Variants in PWWP3A observed in about 807,000 individuals in gnomAD.
PWWP3A encodes the protein PWWP domain containing 3A, DNA repair factor, also known as PWWP domain-containing DNA repair factor 3A.
PWWP3A carries 53 observed loss-of-function variants against 79.0 expected under a neutral mutation model. That is an observed-to-expected ratio of 0.67 (90% CI 0.54 to 0.84). PWWP3A has a LOEUF of 0.84. Ranked by LOEUF, PWWP3A falls within the 40% of genes least tolerant of loss-of-function variation. PWWP3A has a pLI of 0.00. For missense variants in PWWP3A, 973 were observed against 948.0 expected (o/e 1.03, Z -0.35); for synonymous variants, 443 against 394.4 (o/e 1.12, Z -1.46).
chr19:1,374,599 C>A (rs1256782544), intron 13 of PWWP3A, among the ~76,000 whole-genome samples: 1 of 152,144 alleles, frequency 6.6e-6, no homozygotes, highest in Non-Finnish European at 1.5e-5. Flanking sequence ...TGCTGGGGCG[C>A]ACATCAGAGC....
intron 7 of PWWP3A, 128 bp from the exon 8 acceptor site, chr19:1,366,177 C>T: frequency 1.2e-6 from 1 of 805,146 alleles, no homozygotes; most frequent in Non-Finnish European, 2.0e-6. Context: ...TTGCGGGAGA[C>T]TTCGCTGGGG....
At position 1,362,235 on chromosome 19, in the gene PWWP3A, T is replaced by C. The variant is rs769166191; in HGVS notation, c.1112-15T>C. Reference sequence around the variant, plus strand: ...ATGCAATGACCATGAAAGTCTAATATCACATTATTGGCAGAGTGCCAGTCT... The same window carrying C: ...ATGCAATGACCATGAAAGTCTAATACCACATTATTGGCAGAGTGCCAGTCT... On this transcript the variant is annotated splice_polypyrimidine_tract_variant and intron_variant, in intron 5 of 13. Coordinates refer to ENST00000591337, the MANE Select transcript of PWWP3A (RefSeq NM_001369789.1). 9.4e-6 allele frequency: 15 copies of C among 1,602,296 alleles called. No homozygotes were observed. The highest frequency in any genetic ancestry group is 1.2e-5 in the Non-Finnish European group (14 of 1,173,350).
In PWWP3A at chr19:1,373,170, T is replaced by G. The variant is rs767032936; in HGVS notation, c.2075+10T>G. ...CTTCGCTGAGCTACCGGTAGGCCGC[T>G]CCCGGCGCTATCTCCAGCCACTTGC... On this transcript the variant is annotated intron_variant, in intron 13 of 13. Coordinates refer to ENST00000591337, the MANE Select transcript of PWWP3A (RefSeq NM_001369789.1). 6.2e-7 allele frequency: 1 copy of G among 1,612,638 alleles called. No individual in the cohort carries two copies. The highest frequency in any genetic ancestry group is 1.1e-5 in the South Asian group (1 of 90,914).
chr19:1,376,658 C>A lies in PWWP3A; in HGVS notation c.*82C>A. 7.1e-7 allele frequency: 1 copy of A among 1,404,934 alleles called. No individual in the cohort carries two copies. The highest frequency in any genetic ancestry group is 1.0e-6 in the Non-Finnish European group (1 of 1,001,456). 87.0% of individuals were successfully genotyped at this position (1,404,934 alleles called of 1,614,324 possible). ...CATGAGCGTGTCTGAAGATGGGGGG[C>A]TCAGGGGGCACGTTTGCGTTTGGAC... On this transcript the variant is annotated 3_prime_UTR_variant, in exon 14 of 14. Transcript: ENST00000591337.
At chr19:1,363,290 T>G (rs894224289) in intron 6 of PWWP3A, among the ~76,000 whole-genome samples, 2 of 152,252 alleles carry the variant, frequency 1.3e-5, no homozygotes, top group Non-Finnish European at 2.9e-5. Flanking sequence ...CCCTTTTTTT[T>G]GCCTAATGCT....
chr19:1,372,407 A>T (rs951804153), intron 12 of PWWP3A: 4 of 152,078 alleles, frequency 2.6e-5, no homozygotes, highest in African/African-American at 9.7e-5. Flanking sequence ...AAAAATAGGG[A>T]TGATTTCTTA....
intron 13 of PWWP3A, among the ~76,000 whole-genome samples, chr19:1,376,311 G>GTTT (rs371207367): frequency 1.4e-5 from 1 of 69,888 alleles, no homozygotes; most frequent in African/African-American, 6.6e-5. Context: ...TTTTTTGTTT[G>GTTT]TTTTTTTTTT....
chr19:1,357,339 T>C, intron 3 of PWWP3A: 1 of 379,530 alleles, frequency 2.6e-6, no homozygotes, highest in Non-Finnish European at 4.8e-6. Context: ...GTACAAACAC[T>C]GAATACATGT....
rs147151527 is a variant in PWWP3A, at chr19:1,360,271, G to A, written c.350G>A (p.Arg117Gln). 182 of 1,614,056 alleles carry A rather than the reference G, an allele frequency of 1.1e-4. No individual in the cohort carries two copies. In the African/African-American group the frequency reaches 1.9e-3, roughly 17 times the overall value. The change falls in exon 5 of 14, where the codon CGG becomes CAG. Residue 117 changes from arginine (R) to glutamine (Q), a missense_variant. Coordinates refer to ENST00000591337, the MANE Select transcript of PWWP3A (RefSeq NM_001369789.1). This position sits in a 1 kb window ranked among gnomAD's most constrained non-coding sequence, Gnocchi z 4.4. ...ESSAGTGRAD[R>Q]SLRGKPMEHV... ...TCTGCAGGGACAGGTAGAGCTGACC[G>A]GTCTCTGCGAGGGAAGCCCATGGAG...
At chr19:1,359,569 A>T (rs2144701717) in intron 4 of PWWP3A, 1 of 152,238 alleles carries the variant, frequency 6.6e-6, no homozygotes, top group African/African-American at 2.4e-5. Flanking sequence ...AATAAATAAA[A>T]GTGCTGCAGC....
chr19:1,354,984 A>AGCGGCGGCGGCG lies in PWWP3A; in HGVS notation c.-207_-196dup, dbSNP rs371221738. 2.8e-4 allele frequency: 42 copies of AGCGGCGGCGGCG among 147,766 alleles called. No individual in the cohort carries two copies. The highest frequency in any genetic ancestry group is 1.2e-3 in the East Asian group (6 of 5,050). The allele number at this position is 147,766 out of a possible 1,614,324, so 9.2% of individuals were successfully genotyped here. On this transcript the variant is annotated 5_prime_UTR_variant, in exon 1 of 14. Coordinates refer to ENST00000591337, the MANE Select transcript of PWWP3A (RefSeq NM_001369789.1). ...AAGCCCCGCCCCCGGCCCCGCGGGGAGCGGCGGCGGCGGCGGCGGCGGCGG... is the reference window on the plus strand; with the variant it reads ...AAGCCCCGCCCCCGGCCCCGCGGGGAGCGGCGGCGGCGGCGGCGGCGGCGGCGGCGGCGGCGG...
intron 12 of PWWP3A, chr19:1,371,293 C>T: frequency 1.4e-6 from 1 of 722,148 alleles, no homozygotes; most frequent in Non-Finnish European, 2.5e-6. Context: ...GCTTACTTGA[C>T]CCCTGTGCAG....
In PWWP3A at chr19:1,361,980, C is replaced by T. The variant is rs568321869; in HGVS notation, c.1112-270C>T. Reference sequence around the variant, plus strand: ...CCCAGGGTGCGCGCAGCTTCTGTGGCCGAGGTGGCTGCTGCTTACGGCCCG... The same window carrying T: ...CCCAGGGTGCGCGCAGCTTCTGTGGTCGAGGTGGCTGCTGCTTACGGCCCG... On this transcript the variant is annotated intron_variant, in intron 5 of 13. Transcript: ENST00000591337. 1.4e-4 allele frequency: 46 copies of T among 330,156 alleles called. No individual in the cohort carries two copies. In the East Asian group the frequency reaches 2.8e-3, roughly 20 times the overall value. 20.5% of individuals were successfully genotyped at this position (330,156 alleles called of 1,614,324 possible).
At position 1,357,107 on chromosome 19, in the gene PWWP3A, GTTGTT is replaced by G. The variant is rs1331637172; in HGVS notation, c.143+16_143+20del. On this transcript the variant is annotated intron_variant, in intron 3 of 13. Transcript: ENST00000591337. ...CTCTAGAGGAAAAGTTAAGTGTTGT[GTTGTT>G]TTAATACTGTTTTTTCCCGTGTAGA... 2.5e-6 allele frequency: 4 copies of G among 1,590,612 alleles called. No homozygotes were observed. Among genetic ancestry groups the G allele is most frequent in the African/African-American group, 1.3e-5 (1 of 74,094 alleles).
At chr19:1,366,170 C>T (rs1160621557) in intron 7 of PWWP3A, 135 bp from the exon 8 acceptor site, 9 of 781,970 alleles carry the variant, frequency 1.2e-5, no homozygotes, top group Non-Finnish European at 1.7e-5. Flanking sequence ...CGCCTCCTTG[C>T]GGGAGACTTC....
chr19:1,361,108 A>G, intron 5 of PWWP3A, 76 bp downstream of exon 5: 1 of 1,332,566 alleles, frequency 7.5e-7, no homozygotes, highest in Non-Finnish European at 9.7e-7. Context: ...GGAGCCAGGC[A>G]CGTGGGTGTT....
At chr19:1,367,999 A>G (rs1487093528) in intron 9 of PWWP3A, among the ~76,000 whole-genome samples, 1 of 152,124 alleles carries the variant, frequency 6.6e-6, no homozygotes, top group South Asian at 2.1e-4. Flanking sequence ...ATCTCAGCTC[A>G]CTGCAACCTC....
Position 1,369,321 on chromosome 19 carries a change from C to T in PWWP3A, c.1479C>T (p.Thr493=), listed in dbSNP as rs760773860. The T allele has an allele frequency of 1.7e-5, 28 of 1,613,794 alleles. No homozygotes were observed. In the South Asian group the frequency reaches 2.0e-4, roughly 11 times the overall value. Residue 493 remains threonine, a synonymous_variant, in exon 10 of 14, where the codon ACC becomes ACT. Coordinates refer to ENST00000591337, the MANE Select transcript of PWWP3A (RefSeq NM_001369789.1). The surrounding 1 kb of genome is among the most constrained non-coding windows in gnomAD (Gnocchi z 4.0). ...QDIGWCVSLI[T]DYRVRLGCGS... Reference sequence around the variant, plus strand: ...TCGGCTGGTGTGTCTCCCTCATCACCGACTACAGGGTCCGGTTAGGTACGT... The same window carrying T: ...TCGGCTGGTGTGTCTCCCTCATCACTGACTACAGGGTCCGGTTAGGTACGT...
At chr19:1,367,672 C>T (rs921234396) in intron 9 of PWWP3A, among the ~76,000 whole-genome samples, 3 of 152,238 alleles carry the variant, frequency 2.0e-5, no homozygotes, top group African/African-American at 4.8e-5. Context: ...TGAGCCTGGC[C>T]GATACCACGT....
Sources: allele counts gnomAD v4.1 joint callset (sites outside exome capture counted in the v4.1 genomes callset), GRCh38; gene constraint gnomAD v4.1.1; non-coding constraint Gnocchi (gnomAD v3.1); transcripts MANE v1.5; gene names NCBI Gene and HGNC (gene_info 2026-07-23, HGNC 2026-07-21).